SS18L1: variants seen among roughly 807,000 people sequenced by gnomAD.
The protein encoded by SS18L1 is calcium-responsive transactivator.
A neutral mutation model predicts 70.3 loss-of-function variants in SS18L1; 32 were observed. The ratio of observed to expected loss-of-function variants is 0.46; its 90% CI spans 0.34 to 0.61. The LOEUF is 0.61. SS18L1 is among the 20% of genes least tolerant of loss of function. The pLI is 0.01. For synonymous variants in SS18L1, 237 were observed against 229.7 expected, an observed-to-expected ratio of 1.03 and a Z score of -0.29; for missense variants, 430 against 542.1, an observed-to-expected ratio of 0.79 and a Z score of 2.05.
intron 10 of SS18L1, among the ~76,000 whole-genome samples, chr20:62,177,674 C>T (rs748915379): frequency 2.0e-5 from 3 of 152,190 alleles, no homozygotes; most frequent in Non-Finnish European, 2.9e-5. Flanking sequence ...GGAATTCTGC[C>T]TTGTGGCCTT....
Position 62,182,391 on chromosome 20 carries a change from T to C in SS18L1, c.*3183T>C, listed in dbSNP as rs2057727422. 1.1e-5 allele frequency: 2 copies of C among 175,520 alleles called. No homozygotes were observed. The highest frequency in any genetic ancestry group is 2.3e-5 in the Non-Finnish European group (2 of 88,446). 10.9% of individuals were successfully genotyped at this position (175,520 alleles called of 1,614,324 possible). On this transcript the variant is annotated 3_prime_UTR_variant, in exon 11 of 11. Coordinates refer to ENST00000331758, the MANE Select transcript of SS18L1 (RefSeq NM_198935.3). Reference sequence around the variant, plus strand: ...GTGAGTACAGTACATTTAAAAAACATCCTTATCGGTTATTTTTTTTTCAGT... The same window carrying C: ...GTGAGTACAGTACATTTAAAAAACACCCTTATCGGTTATTTTTTTTTCAGT...
intron 1 of SS18L1, among the ~76,000 whole-genome samples, chr20:62,157,282 G>A (rs774525092): frequency 3.3e-5 from 5 of 152,182 alleles, no homozygotes; most frequent in Non-Finnish European, 7.3e-5. Flanking sequence ...GTGTGTGGAC[G>A]CAAGGCCTTG....
chr20:62,168,136 C>G (rs146197261), intron 8 of SS18L1, among the ~76,000 whole-genome samples: 1 of 151,998 alleles, frequency 6.6e-6, no homozygotes, highest in African/African-American at 2.4e-5. Context: ...TAGGTACTTC[C>G]GTAGCTTGTT....
At chr20:62,166,996 T>C (rs1462798658) in intron 8 of SS18L1, among the ~76,000 whole-genome samples, 1 of 150,702 alleles carries the variant, frequency 6.6e-6, no homozygotes, top group Non-Finnish European at 1.5e-5. Flanking sequence ...TCCCAGCACT[T>C]TGGGAGGCCA....
chr20:62,144,832 G>GT (rs932389459), intron 1 of SS18L1, among the ~76,000 whole-genome samples: 3 of 152,106 alleles, frequency 2.0e-5, no homozygotes, highest in Non-Finnish European at 2.9e-5. Flanking sequence ...AATGACATTG[G>GT]TTTTTTTTCC....
intron 8 of SS18L1, among the ~76,000 whole-genome samples, chr20:62,165,852 T>G (rs2057419939): frequency 6.6e-6 from 1 of 151,994 alleles, no homozygotes; most frequent in South Asian, 2.1e-4. Context: ...ACACAGACTC[T>G]GTTATTGGGT....
At chr20:62,164,378 A>G in intron 7 of SS18L1, 132 bp downstream of exon 7, 1 of 998,664 alleles carries the variant, frequency 1.0e-6, no homozygotes, top group Non-Finnish European at 1.4e-6. Flanking sequence ...CCTGGGCTAC[A>G]GGCAGAGTGG....
chr20:62,169,495 G>A (rs1307498770), intron 8 of SS18L1, among the ~76,000 whole-genome samples: 1 of 152,150 alleles, frequency 6.6e-6, no homozygotes, highest in East Asian at 1.9e-4. Flanking sequence ...AAACATCATT[G>A]GGGCCGGGCA....
rs560564240 is a variant in SS18L1, at chr20:62,162,637, C to T, written c.377-115C>T. 1.0e-3 allele frequency: 1,069 copies of T among 1,035,776 alleles called. 1 individual carries two copies. The highest frequency in any genetic ancestry group is 1.4e-3 in the Non-Finnish European group (985 of 726,902). The allele number at this position is 1,035,776 out of a possible 1,614,324, so 64.2% of individuals were successfully genotyped here. A position where few individuals can be genotyped will look rare whatever the true frequency, so the allele number is the denominator to read the frequency against. On this transcript the variant is annotated intron_variant, in intron 4 of 10. Transcript: ENST00000331758. ...ATTAGTCACTTAATCATTAATAGTG[C>T]TGTTGATAGCAACTCTTCCCAAAGT...
rs186376617 is a variant in SS18L1, at chr20:62,170,287, C to T, written c.917-2395C>T. ...TTGGGAGGCCGGGGCAGGCGGATCA[C>T]GAGGTCAGGAGATCGAGACCATCGT... is the stretch of plus-strand genomic sequence containing the variant. On this transcript the variant is annotated intron_variant, in intron 8 of 10. Transcript: ENST00000331758. 2.1e-3 allele frequency among the ~76,000 whole-genome samples: 327 copies of T among 152,328 alleles called. 1 individual carries two copies. The highest frequency in any genetic ancestry group is 6.8e-3 in the Middle Eastern group (2 of 294).
At chr20:62,165,552 C>T (rs776802206) in intron 8 of SS18L1, 38 bp downstream of exon 8, 16 of 1,574,952 alleles carry the variant, frequency 1.0e-5, no homozygotes, top group Admixed American at 8.8e-5. Context: ...CGAGCGTAAG[C>T]GCCACACGCA....
intron 10 of SS18L1, among the ~76,000 whole-genome samples, chr20:62,175,920 A>G (rs1050780471): frequency 2.7e-5 from 4 of 150,888 alleles, no homozygotes; most frequent in African/African-American, 9.7e-5. Context: ...CTCTCAGGAC[A>G]CTGTGAGGCC....
chr20:62,177,450 C>A (rs1247405159), intron 10 of SS18L1, among the ~76,000 whole-genome samples: 6 of 152,188 alleles, frequency 3.9e-5, no homozygotes, highest in Admixed American at 3.9e-4. Context: ...TCATCACAGG[C>A]AGCTCTGGGA....
In SS18L1 at chr20:62,143,806, C is replaced by A. The variant is rs762381516; in HGVS notation, c.-15C>A. ...TCCACCTCGATGACCACGGGCTGAG[C>A]CCCGCGCCGCCACCATGTCCGTGGC... On this transcript the variant is annotated 5_prime_UTR_variant, in exon 1 of 11. Transcript: ENST00000331758. 7.4e-7 allele frequency: 1 copy of A among 1,354,518 alleles called. No individual in the cohort carries two copies. Among genetic ancestry groups the A allele is most frequent in the Non-Finnish European group, 9.8e-7 (1 of 1,023,548 alleles). 83.9% of individuals were successfully genotyped at this position (1,354,518 alleles called of 1,614,324 possible).
Position 62,174,159 on chromosome 20 carries a change from G to T in SS18L1, c.1037-358G>T, listed in dbSNP as rs1290878132. ...GTTCAGTGACAAGTTACAGCAGCCA[G>T]TGTGACTGGGGCCAGCGGGTTCTGG... On this transcript the variant is annotated intron_variant, in intron 9 of 10. Coordinates refer to ENST00000331758, the MANE Select transcript of SS18L1 (RefSeq NM_198935.3). This position sits in a 1 kb window ranked among gnomAD's most constrained non-coding sequence, Gnocchi z 4.1. Among the ~76,000 whole-genome samples the T allele has an allele frequency of 1.3e-5, 2 of 152,156 alleles. No individual in the cohort carries two copies. The highest frequency in any genetic ancestry group is 4.8e-5 in the African/African-American group (2 of 41,422).
Position 62,179,199 on chromosome 20 carries a change from C to A in SS18L1, c.1182C>A (p.Tyr394Ter). The change falls in exon 11 of 11, where the codon TAC (tyrosine) becomes TAA (stop). Residue 394 changes from tyrosine to a stop codon, truncating the protein, a stop_gained. Transcript: ENST00000331758. LOFTEE classifies it high-confidence loss of function. ...YGYEQGQYGN[Y>*]QQ The stretch of plus-strand genomic sequence containing the variant: ...TCTTTTAGGGCCAGTATGGAAATTA[C>A]CAGCAGTAAGGGACACACATTCTGG... 6.2e-7 allele frequency: 1 copy of A among 1,614,166 alleles called. No homozygotes were observed. Among genetic ancestry groups the A allele is most frequent in the Non-Finnish European group, 8.5e-7 (1 of 1,180,012 alleles).
intron 6 of SS18L1, 137 bp downstream of exon 6, chr20:62,163,759 T>A: frequency 8.0e-7 from 1 of 1,247,040 alleles, no homozygotes; most frequent in Non-Finnish European, 1.1e-6. Context: ...GGCGCCTTGG[T>A]GTTAACATTG....
intron 1 of SS18L1, among the ~76,000 whole-genome samples, chr20:62,146,226 G>A (rs967994589): frequency 1.3e-5 from 2 of 152,308 alleles, no homozygotes; most frequent in African/African-American, 4.8e-5. Flanking sequence ...ATGCTCCGTC[G>A]GCAGTCATGT....
chr20:62,163,993 C>CA (rs1182888337), intron 6 of SS18L1, 152 bp from the exon 7 acceptor site: 3 of 683,238 alleles, frequency 4.4e-6, no homozygotes, highest in Admixed American at 5.8e-5. Flanking sequence ...ACTAAAAATA[C>CA]AAAACATAAG....
Sources: gnomAD v4.1 joint callset for allele counts (sites outside exome capture counted in the v4.1 genomes callset) on GRCh38, gnomAD v4.1.1 for gene constraint, Gnocchi (gnomAD v3.1) non-coding constraint, MANE v1.5 for transcripts, NCBI Gene and HGNC (gene_info 2026-07-23, HGNC 2026-07-21) for gene names.